The following AFF2 variants were observed in gnomAD, a reference collection of about 807,000 sequenced individuals.
The protein encoded by AFF2 is ALF transcription elongation factor 2, also known as AF4/FMR2 family member 2.
Under a neutral mutation model 76.9 loss-of-function variants are expected in AFF2, and 14 were observed. The observed-to-expected ratio is 0.18, with a 90% CI of 0.12 to 0.28. The LOEUF (loss-of-function observed/expected upper bound fraction) is 0.28. Ranked by LOEUF, AFF2 falls within the 10% of genes least tolerant of loss-of-function variation. The pLI is 1.00. For synonymous variants in AFF2, 398 were observed against 366.7 expected (o/e 1.09, Z -0.98); for missense variants, 868 against 1,001.1 (o/e 0.87, Z 1.79).
chrX:148,580,725 A>T (rs1557244278), intron 1 of AFF2, among the ~76,000 whole-genome samples: 1 of 80,496 alleles, frequency 1.2e-5, no homozygotes, highest in African/African-American at 5.1e-5. Flanking sequence ...TTTTATATAT[A>T]TATATGTGTG....
chrX:148,611,701 G>A (rs908561680), intron 1 of AFF2, among the ~76,000 whole-genome samples: 2 of 111,095 alleles, frequency 1.8e-5, no homozygotes, highest in African/African-American at 6.6e-5. Context: ...ATCTTGGGAG[G>A]CTCCAGTTTC....
At chrX:148,812,994 C>T (rs1040011626) in intron 4 of AFF2, among the ~76,000 whole-genome samples, 1 of 112,286 alleles carries the variant, frequency 8.9e-6, no homozygotes. Flanking sequence ...TTCTTGCCCT[C>T]ATGCTCTCAC....
At chrX:148,849,489 C>T (rs1159851149) in intron 7 of AFF2, among the ~76,000 whole-genome samples, 3 of 104,031 alleles carry the variant, frequency 2.9e-5, no homozygotes, top group Non-Finnish European at 5.8e-5. Flanking sequence ...AATATGCATT[C>T]AGTATCTACT....
chrX:148,517,346 A>T (rs1275397936), intron 1 of AFF2, among the ~76,000 whole-genome samples: 1 of 111,733 alleles, frequency 8.9e-6, no homozygotes, highest in Non-Finnish European at 1.9e-5. Flanking sequence ...TGTGAATGAG[A>T]TCAGCATAGG....
intron 9 of AFF2, among the ~76,000 whole-genome samples, chrX:148,910,884 T>C (rs890969988): frequency 1.8e-5 from 2 of 111,739 alleles, no homozygotes; most frequent in African/African-American, 6.5e-5. Context: ...GTTCTAGTCT[T>C]GAATCTGATA....
At position 148,703,207 on chromosome X, in the gene AFF2, A is replaced by G. The variant is rs1569553680; in HGVS notation, c.1041+40439A>G. 3.6e-5 allele frequency among the ~76,000 whole-genome samples: 4 copies of G among 112,196 alleles called. No individual in the cohort carries two copies. The South Asian group carries it at 1.1e-3, about 31-fold the overall frequency. On this transcript the variant is annotated intron_variant, in intron 3 of 20. Transcript: ENST00000370460. ...AACAATGTGGTGATTCTCCACTCTA[A>G]TATCAACTGCAATCTTCTAATTTCA...
intron 1 of AFF2, among the ~76,000 whole-genome samples, chrX:148,616,828 G>GT (rs1446298912): frequency 1.7e-4 from 19 of 109,012 alleles, no homozygotes; most frequent in African/African-American, 5.7e-4. Flanking sequence ...GCGGTGTTTG[G>GT]TTTTTTGTCC....
At chrX:148,807,511 A>T (rs1332458443) in intron 3 of AFF2, among the ~76,000 whole-genome samples, 2 of 112,139 alleles carry the variant, frequency 1.8e-5, no homozygotes, top group Non-Finnish European at 3.8e-5. Flanking sequence ...CCTGTTCCCA[A>T]GTGGTAGGGC....
At chrX:148,620,454 G>A (rs1557251076) in intron 1 of AFF2, among the ~76,000 whole-genome samples, 1 of 110,640 alleles carries the variant, frequency 9.0e-6, no homozygotes, top group Non-Finnish European at 1.9e-5. Flanking sequence ...AAACTGAAAT[G>A]TACAAATTAG....
chrX:148,692,381 C>A (rs5980578), intron 3 of AFF2, among the ~76,000 whole-genome samples: 7,686 of 111,658 alleles, frequency 0.069, 660 homozygotes, highest in African/African-American at 0.24. Flanking sequence ...TGCCCTCTAT[C>A]GTAATAAGGC....
intron 7 of AFF2, among the ~76,000 whole-genome samples, chrX:148,859,698 G>A (rs1394573240): frequency 9.0e-6 from 1 of 111,213 alleles, no homozygotes; most frequent in Admixed American, 9.5e-5. Flanking sequence ...TTATTAAAAT[G>A]TATAATTAAA....
intron 19 of AFF2, among the ~76,000 whole-genome samples, chrX:148,983,962 A>AAAAAAAAAAAAC: frequency 9.9e-6 from 1 of 101,275 alleles, no homozygotes; most frequent in African/African-American, 3.5e-5. Flanking sequence ...ACAAAAAAAA[A>AAAAAAAAAAAAC]AAAAAACTGC....
At chrX:148,513,713 A>G (rs782720695) in intron 1 of AFF2, among the ~76,000 whole-genome samples, 3 of 111,772 alleles carry the variant, frequency 2.7e-5, no homozygotes, top group Non-Finnish European at 3.8e-5. Context: ...ATAAAAATTC[A>G]AGGCAAAGCA....
intron 7 of AFF2, among the ~76,000 whole-genome samples, chrX:148,871,240 G>A (rs2070970976): frequency 1.8e-5 from 2 of 111,449 alleles, no homozygotes; most frequent in Admixed American, 9.5e-5. Flanking sequence ...TTGGATTTGT[G>A]AGTTAACATT....
rs373963971 is a variant in AFF2, at chrX:148,545,550, A to G, written c.47+44406A>G. ...TTGTTATCCGATAATAAGACAGCAT[A>G]GGTAGGGTGATCATGCACACTGGTT... On this transcript the variant is annotated intron_variant, in intron 1 of 20. Coordinates refer to ENST00000370460, the MANE Select transcript of AFF2 (RefSeq NM_002025.4). Among the ~76,000 whole-genome samples the G allele has an allele frequency of 1.3e-4, 14 of 111,312 alleles. No individual in the cohort carries two copies. In the East Asian group the frequency reaches 3.7e-3, roughly 29 times the overall value.
intron 4 of AFF2, among the ~76,000 whole-genome samples, chrX:148,833,477 C>G (rs1436334672): frequency 9.1e-6 from 1 of 110,052 alleles, no homozygotes; most frequent in Non-Finnish European, 1.9e-5. Flanking sequence ...TGGCACGCAC[C>G]TGTAGTCCCA....
rs185089401 is a variant in AFF2 at position 148,861,901 on chromosome X, G to A, written c.1262+18468G>A. 5.6e-3 allele frequency among the ~76,000 whole-genome samples: 624 copies of A among 110,957 alleles called. 4 individuals carry two copies. The highest frequency in any genetic ancestry group is 0.02 in the African/African-American group (601 of 30,566). ...GCTTTATTTTTGTATTGATAATATG[G>A]AGGGTGTTCTGAAATTCCACCAACT... On this transcript the variant is annotated intron_variant, in intron 7 of 20. Transcript: ENST00000370460.
chrX:148,898,385 T>C (rs2071318039), intron 8 of AFF2, among the ~76,000 whole-genome samples: 1 of 112,289 alleles, frequency 8.9e-6, no homozygotes, highest in Admixed American at 9.4e-5. Flanking sequence ...GGAGGATTCA[T>C]CTTGAAGTAG....
At position 148,995,484 on chromosome X, in the gene AFF2, TGGGGGCGGGGGGGTG is replaced by T. The variant is rs1179370300; in HGVS notation, c.*4158_*4172del. The T allele has an allele frequency of 5.4e-4, 1 of 1,836 alleles. No homozygotes were observed. Among genetic ancestry groups the T allele is most frequent in the East Asian group, 0.023 (1 of 44 alleles). 0.2% of individuals were successfully genotyped at this position (1,836 alleles called of 1,213,427 possible). On this transcript the variant is annotated 3_prime_UTR_variant, in exon 21 of 21. Transcript: ENST00000370460. ...GGGGAGGGCAGAAAGGGGGTGGGGG[TGGGGGCGGGGGGGTG>T]GGGGGTGGGGAAGCCCCACAAAGCC...
Sources: allele counts gnomAD v4.1 joint callset (sites outside exome capture counted in the v4.1 genomes callset), GRCh38; gene constraint gnomAD v4.1.1; transcripts MANE v1.5; gene names NCBI Gene and HGNC (gene_info 2026-07-23, HGNC 2026-07-21).